Variants in ATF6 observed in about 807,000 individuals in gnomAD.
The protein encoded by ATF6 is cyclic AMP-dependent transcription factor ATF-6 alpha.
A neutral mutation model predicts 83.6 loss-of-function variants in ATF6; 53 were observed. The observed-to-expected ratio is 0.63, with a 90% confidence interval of 0.51 to 0.80. ATF6 has a LOEUF of 0.80. Ranked by LOEUF, ATF6 falls within the 30% of genes least tolerant of loss-of-function variation. The pLI is 0.00. For synonymous variants in ATF6, 288 were observed against 285.8 expected, an observed-to-expected ratio of 1.01 and a Z score of -0.08; for missense variants, 744 against 797.9, an observed-to-expected ratio of 0.93 and a Z score of 0.81.
chr1:161,785,615 A>T (rs577528105), intron 4 of ATF6, among the ~76,000 whole-genome samples: 1 of 152,180 alleles, frequency 6.6e-6, no homozygotes, highest in South Asian at 2.1e-4. Context: ...TAACCTGTAC[A>T]TAAGTCTTTT....
intron 2 of ATF6, among the ~76,000 whole-genome samples, chr1:161,781,287 GTTTTA>G (rs1684630481): frequency 1.3e-5 from 2 of 151,950 alleles, no homozygotes; most frequent in Non-Finnish European, 1.5e-5. Context: ...TAGAAAATTA[GTTTTA>G]TTTTATAGGA....
chr1:161,916,493 T>C (rs1251806511), intron 15 of ATF6, among the ~76,000 whole-genome samples: 1 of 152,210 alleles, frequency 6.6e-6, no homozygotes, highest in African/African-American at 2.4e-5. Flanking sequence ...GAAAGGACTT[T>C]CTCTTGCATA....
At chr1:161,935,279 T>G (rs1326260474) in intron 15 of ATF6, among the ~76,000 whole-genome samples, 1 of 152,124 alleles carries the variant, frequency 6.6e-6, no homozygotes, top group Non-Finnish European at 1.5e-5. Flanking sequence ...CTCCCAAAAT[T>G]TATATGTTGA....
intron 15 of ATF6, among the ~76,000 whole-genome samples, chr1:161,947,789 T>G (rs949447583): frequency 4.8e-5 from 7 of 144,430 alleles, no homozygotes; most frequent in African/African-American, 1.5e-4. Flanking sequence ...TAAAAAATAT[T>G]CCATAGTCCT....
intron 7 of ATF6, among the ~76,000 whole-genome samples, chr1:161,819,127 A>G (rs1171528140): frequency 6.6e-6 from 1 of 152,210 alleles, no homozygotes; most frequent in African/African-American, 2.4e-5. Context: ...AATATAGTGA[A>G]TAAAGTAAAA....
intron 12 of ATF6, among the ~76,000 whole-genome samples, chr1:161,856,837 T>C (rs548157176): frequency 2.0e-5 from 3 of 152,342 alleles, no homozygotes; most frequent in African/African-American, 7.2e-5. Flanking sequence ...CTTAAAGGAA[T>C]TCCAATGCAA....
chr1:161,907,529 T>C (rs1462461874), intron 14 of ATF6, among the ~76,000 whole-genome samples: 1 of 152,020 alleles, frequency 6.6e-6, no homozygotes, highest in African/African-American at 2.4e-5. Context: ...CTGCTCAGTG[T>C]CACAAGTGCA....
At chr1:161,928,866 G>A (rs777522015) in intron 15 of ATF6, among the ~76,000 whole-genome samples, 1 of 152,120 alleles carries the variant, frequency 6.6e-6, no homozygotes, top group Non-Finnish European at 1.5e-5. Flanking sequence ...AGACAAAGTG[G>A]GCTATAAACA....
chr1:161,805,496 T>G (rs1685256775), intron 7 of ATF6, among the ~76,000 whole-genome samples: 1 of 152,114 alleles, frequency 6.6e-6, no homozygotes, highest in South Asian at 2.1e-4. Context: ...GTTTTTTTGG[T>G]AGAAATTTTG....
At chr1:161,855,774 A>C (rs1352320868) in intron 12 of ATF6, among the ~76,000 whole-genome samples, 4 of 152,256 alleles carry the variant, frequency 2.6e-5, no homozygotes, top group African/African-American at 9.6e-5. Flanking sequence ...ACAGTTAATT[A>C]CAGGGGCTAA....
At chr1:161,894,698 G>C (rs900736534) in intron 14 of ATF6, among the ~76,000 whole-genome samples, 1 of 135,070 alleles carries the variant, frequency 7.4e-6, no homozygotes, top group Non-Finnish European at 1.5e-5. Flanking sequence ...ACTAAGCCGG[G>C]CTAATTTTTT....
chr1:161,771,423 C>T lies in ATF6; in HGVS notation c.82+4981C>T, dbSNP rs148345358. ...CAACTTCCCGTAATGCCCCGGTGAA[C>T]GGTTGCTAATTTTATTCTCAAAACC... On this transcript the variant is annotated intron_variant, in intron 1 of 15. Coordinates refer to ENST00000367942, the MANE Select transcript of ATF6 (RefSeq NM_007348.4). Among the ~76,000 whole-genome samples, 7 of 152,258 alleles carry T rather than the reference C, an allele frequency of 4.6e-5. No individual in the cohort carries two copies. In the South Asian group the frequency reaches 6.2e-4, roughly 14 times the overall value.
intron 12 of ATF6, among the ~76,000 whole-genome samples, chr1:161,858,977 T>A (rs759060444): frequency 2.0e-5 from 3 of 152,222 alleles, no homozygotes; most frequent in Non-Finnish European, 4.4e-5. Context: ...CATTTAAAAT[T>A]CACCAGTTAA....
chr1:161,882,348 G>C (rs184188956), intron 14 of ATF6, among the ~76,000 whole-genome samples: 25 of 152,190 alleles, frequency 1.6e-4, no homozygotes, highest in Admixed American at 1.6e-3. Flanking sequence ...ATATGTGCCT[G>C]TATGGGTCAC....
At chr1:161,953,922 T>C (rs1688919659) in intron 15 of ATF6, among the ~76,000 whole-genome samples, 1 of 152,164 alleles carries the variant, frequency 6.6e-6, no homozygotes, top group Admixed American at 6.5e-5. Flanking sequence ...GGAACATTTA[T>C]AAATTGGTTA....
At chr1:161,920,295 T>TC (rs1491165277) in intron 15 of ATF6, among the ~76,000 whole-genome samples, 1 of 17,582 alleles carries the variant, frequency 5.7e-5, no homozygotes, top group African/African-American at 2.1e-4. Context: ...TCTCTCTCTC[T>TC]TTTTTTTTTT....
intron 14 of ATF6, among the ~76,000 whole-genome samples, chr1:161,910,722 G>T (rs1437671693): frequency 1.3e-5 from 2 of 152,164 alleles, no homozygotes; most frequent in Non-Finnish European, 2.9e-5. Context: ...ATTAAGCTAT[G>T]TATAACTTTC....
intron 7 of ATF6, 130 bp downstream of exon 7, chr1:161,802,402 C>A: frequency 1.3e-6 from 1 of 752,322 alleles, no homozygotes; most frequent in Non-Finnish European, 2.1e-6. Context: ...AAAGAGTGTG[C>A]TGAATTGCAC....
chr1:161,796,122 TG>T (rs1318319005), intron 6 of ATF6, among the ~76,000 whole-genome samples: 4 of 152,246 alleles, frequency 2.6e-5, no homozygotes, highest in Non-Finnish European at 5.9e-5. Context: ...AAGGAGACAG[TG>T]GTAATTACAC....
Sources: allele counts gnomAD v4.1 joint callset (sites outside exome capture counted in the v4.1 genomes callset), GRCh38; gene constraint gnomAD v4.1.1; transcripts MANE v1.5; gene names NCBI Gene and HGNC (gene_info 2026-07-23, HGNC 2026-07-21).